Variants in DAP observed in about 807,000 individuals in gnomAD.
DAP encodes death associated protein, also known as death-associated protein 1.
DAP carries 8 observed loss-of-function variants against 13.8 expected under a neutral mutation model. The observed-to-expected ratio is 0.58, with a 90% CI of 0.34 to 1.05. DAP has a LOEUF of 1.05. DAP is among the 50% of genes least tolerant of loss of function. DAP has a pLI of 0.03. For synonymous variants in DAP, 47 were observed against 47.5 expected, an observed-to-expected ratio of 0.99 and a Z score of 0.04; for missense variants, 106 against 133.2, an observed-to-expected ratio of 0.80 and a Z score of 1.01.
chr5:10,748,197 C>A lies in DAP; in HGVS notation c.130G>T (p.Asp44Tyr). The change falls in exon 2 of 4, where the codon GAC becomes TAC. Residue 44 changes from aspartate to tyrosine, a missense_variant. Transcript: ENST00000230895. ...GDTKEEKDKD[D>Y]QEWESPSPPK... ...CACCTGGGGCTTTCCCATTCCTGGT[C>A]ATCCTTGTCTTTCTCTTCTTTGGTG... 1 of 1,613,912 alleles carries A rather than the reference C, an allele frequency of 6.2e-7. No individual in the cohort carries two copies.
intron 2 of DAP, among the ~76,000 whole-genome samples, chr5:10,693,094 G>A (rs1229322239): frequency 2.7e-5 from 4 of 150,748 alleles, no homozygotes; most frequent in East Asian, 3.9e-4. Flanking sequence ...CCACGAAGGT[G>A]AATTCTGGGA....
At chr5:10,746,830 G>A (rs1258483212) in intron 2 of DAP, among the ~76,000 whole-genome samples, 3 of 152,178 alleles carry the variant, frequency 2.0e-5, no homozygotes, top group Non-Finnish European at 4.4e-5. Context: ...CAATGGGGAA[G>A]GCCACTTAGA....
At chr5:10,686,765 A>G (rs1738166162) in intron 2 of DAP, among the ~76,000 whole-genome samples, 3 of 152,252 alleles carry the variant, frequency 2.0e-5, no homozygotes, top group Admixed American at 1.3e-4. Context: ...CTGCTGAGGA[A>G]GAAGCTGCAG....
At chr5:10,719,596 G>A (rs1288276519) in intron 2 of DAP, among the ~76,000 whole-genome samples, 1 of 152,198 alleles carries the variant, frequency 6.6e-6, no homozygotes, top group East Asian at 1.9e-4. Flanking sequence ...GACCTGAACT[G>A]CCTACCATGA....
At chr5:10,689,187 A>G (rs1315213825) in intron 2 of DAP, among the ~76,000 whole-genome samples, 1 of 151,976 alleles carries the variant, frequency 6.6e-6, no homozygotes, top group Non-Finnish European at 1.5e-5. Flanking sequence ...GTGCTGGAAA[A>G]CACACACGGA....
intron 2 of DAP, among the ~76,000 whole-genome samples, chr5:10,699,717 G>A (rs183535670): frequency 6.6e-6 from 1 of 152,128 alleles, no homozygotes; most frequent in African/African-American, 2.4e-5. Flanking sequence ...CTTGGTGAAT[G>A]AGCCTTTCCA....
intron 1 of DAP, among the ~76,000 whole-genome samples, chr5:10,760,205 A>G (rs1415574710): frequency 6.6e-6 from 1 of 152,204 alleles, no homozygotes; most frequent in Non-Finnish European, 1.5e-5. Context: ...CATTGAAGTG[A>G]CTTGGCTTCT....
In DAP at chr5:10,680,985, G is replaced by C; in HGVS notation, c.*71C>G. 6.5e-7 allele frequency: 1 copy of C among 1,548,988 alleles called. No individual in the cohort carries two copies. Among genetic ancestry groups the C allele is most frequent in the Non-Finnish European group, 8.7e-7 (1 of 1,147,506 alleles). ...AGAGTAGGATTTGGGCGAAACTGCT[G>C]GTTCTCTCTGTCAGGGAAATACCAA... On this transcript the variant is annotated 3_prime_UTR_variant, in exon 4 of 4. Transcript: ENST00000230895.
At chr5:10,738,697 T>G (rs1739679071) in intron 2 of DAP, among the ~76,000 whole-genome samples, 1 of 152,202 alleles carries the variant, frequency 6.6e-6, no homozygotes, top group Non-Finnish European at 1.5e-5. Flanking sequence ...TGGACTGAAA[T>G]TTGTGGCAGT....
chr5:10,755,383 A>G (rs898766284), intron 1 of DAP, among the ~76,000 whole-genome samples: 2 of 152,334 alleles, frequency 1.3e-5, no homozygotes, highest in South Asian at 2.1e-4. Flanking sequence ...GAACTGTAAC[A>G]TAATAAAACT....
At chr5:10,728,212 T>G (rs1305864893) in intron 2 of DAP, among the ~76,000 whole-genome samples, 2 of 152,260 alleles carry the variant, frequency 1.3e-5, no homozygotes, top group South Asian at 4.1e-4. Flanking sequence ...TTACTAATAT[T>G]TGTTTACAAA....
Position 10,724,837 on chromosome 5 carries a change from G to A in DAP, c.152+23338C>T, listed in dbSNP as rs114162692. Among the ~76,000 whole-genome samples the A allele has an allele frequency of 3.9e-3, 593 of 152,260 alleles. 4 individuals are homozygous for A. The highest frequency in any genetic ancestry group is 0.013 in the African/African-American group (541 of 41,542). ...GGTGCTCCCCAGGGCCTCTCAACCC[G>A]GGTGCGCAGCCATCTGGACAGAGTC... On this transcript the variant is annotated intron_variant, in intron 2 of 3. Transcript: ENST00000230895.
chr5:10,693,157 CGT>C (rs1738348274), intron 2 of DAP, among the ~76,000 whole-genome samples: 2 of 149,662 alleles, frequency 1.3e-5, no homozygotes, highest in South Asian at 2.1e-4. Context: ...CACACACGTG[CGT>C]AGTAGTAGTG....
chr5:10,680,887 G>A lies in DAP; in HGVS notation c.*169C>T. ...CCCCATAAACAAGGTTTGGGCTGGA[G>A]CTGTTTCTAGTTTTAAATATGGAAA... On this transcript the variant is annotated 3_prime_UTR_variant, in exon 4 of 4. Coordinates refer to ENST00000230895, the MANE Select transcript of DAP (RefSeq NM_004394.3). 6.5e-7 allele frequency: 1 copy of A among 1,537,122 alleles called. No homozygotes were observed. The highest frequency in any genetic ancestry group is 8.7e-7 in the Non-Finnish European group (1 of 1,147,000).
chr5:10,698,776 AT>A lies in DAP; in HGVS notation c.153-15206del, dbSNP rs545792431. Among the ~76,000 whole-genome samples, 61 of 152,344 alleles carry A rather than the reference AT, an allele frequency of 4.0e-4. No individual in the cohort carries two copies. In the South Asian group the frequency reaches 0.012, roughly 30 times the overall value. ...TCAACAAAAGTTCTCTGAAAAAGGA[AT>A]TTGGAGGAAAGAGACTTTATTCCAG... is the stretch of plus-strand genomic sequence containing the variant. On this transcript the variant is annotated intron_variant, in intron 2 of 3. Transcript: ENST00000230895.
intron 2 of DAP, among the ~76,000 whole-genome samples, chr5:10,732,069 A>C (rs1336556995): frequency 1.3e-5 from 2 of 152,140 alleles, no homozygotes; most frequent in Non-Finnish European, 2.9e-5. Context: ...TCAGCCATGG[A>C]CCTCCAGAAA....
In DAP at chr5:10,735,302, T is replaced by C. The variant is rs928153523; in HGVS notation, c.152+12873A>G. Among the ~76,000 whole-genome samples, 2 of 152,140 alleles carry C rather than the reference T, an allele frequency of 1.3e-5. 1 individual carries two copies. Among genetic ancestry groups the C allele is most frequent in the South Asian group, 4.1e-4 (2 of 4,828 alleles). On this transcript the variant is annotated intron_variant, in intron 2 of 3. Transcript: ENST00000230895. Reference sequence around the variant, plus strand: ...CTCCATGTTACAAATACCAACAACCTAGTCACATGTGACAAGAAGCAGCTC... The same window carrying C: ...CTCCATGTTACAAATACCAACAACCCAGTCACATGTGACAAGAAGCAGCTC...
intron 2 of DAP, among the ~76,000 whole-genome samples, chr5:10,688,726 A>G (rs1334505027): frequency 6.6e-6 from 1 of 152,214 alleles, no homozygotes; most frequent in Non-Finnish European, 1.5e-5. Flanking sequence ...CTGGAGGCTA[A>G]AGGAGATCCC....
intron 2 of DAP, among the ~76,000 whole-genome samples, chr5:10,741,641 T>C (rs1043592151): frequency 1.3e-5 from 2 of 152,246 alleles, no homozygotes; most frequent in Non-Finnish European, 2.9e-5. Flanking sequence ...AAAGCTTTTC[T>C]ATAAAGGGCG....
Sources: gnomAD v4.1 joint callset for allele counts (sites outside exome capture counted in the v4.1 genomes callset) on GRCh38, gnomAD v4.1.1 for gene constraint, MANE v1.5 for transcripts, NCBI Gene and HGNC (gene_info 2026-07-23, HGNC 2026-07-21) for gene names.